P2RY8: variants seen among roughly 807,000 people sequenced by gnomAD.
The protein encoded by P2RY8 is P2Y receptor family member 8.
In P2RY8, 6 loss-of-function variants were observed where a neutral mutation model predicts 10.0. The ratio of observed to expected loss-of-function variants is 0.60; its 90% CI spans 0.33 to 1.19. The LOEUF is 1.19. P2RY8 is among the 50% of genes most tolerant of loss of function. P2RY8 has a pLI of 0.04. For missense variants in P2RY8, 456 were observed against 542.0 expected (o/e 0.84, Z 1.58); for synonymous variants, 276 against 252.5 (o/e 1.09, Z -0.88).
At chrX:1,530,258 TATC>T (rs2092464984) in intron 1 of P2RY8, among the ~76,000 whole-genome samples, 1 of 150,358 alleles carries the variant, frequency 6.7e-6, no homozygotes, top group South Asian at 2.1e-4. Context: ...CTCTATTACC[TATC>T]ATCACCATTA....
chrX:1,514,417 C>CT (rs1279881671), intron 1 of P2RY8, among the ~76,000 whole-genome samples: 2 of 54,036 alleles, frequency 3.7e-5, no homozygotes, highest in Non-Finnish European at 8.1e-5. Flanking sequence ...CCTCCCTTCC[C>CT]TTCCCTTCCT....
chrX:1,533,624 ATAT>A (rs1483825191), intron 1 of P2RY8, among the ~76,000 whole-genome samples: 27 of 120,848 alleles, frequency 2.2e-4, no homozygotes, highest in South Asian at 7.9e-4. Flanking sequence ...ATATATTTAT[ATAT>A]TATTATTTAC....
chrX:1,500,024 A>C, intron 1 of P2RY8, among the ~76,000 whole-genome samples: 1 of 40,856 alleles, frequency 2.4e-5, no homozygotes, highest in Admixed American at 4.5e-4. Context: ...ATGCCCAGCT[A>C]ATTTTTTGTA....
chrX:1,507,432 C>T (rs4076017), intron 1 of P2RY8, among the ~76,000 whole-genome samples: 30,286 of 152,006 alleles, frequency 0.2, 3,197 homozygotes, highest in Middle Eastern at 0.38. Context: ...CCGGGAGACA[C>T]GCCAGGACCC....
rs1171758279 is a variant in P2RY8, at chrX:1,484,724, T to TAAAAAAAAAA, written c.-24-18152_-24-18143dup. Among the ~76,000 whole-genome samples, 15 of 16,776 alleles carry TAAAAAAAAAA rather than the reference T, an allele frequency of 8.9e-4. 2 individuals carry two copies. Among genetic ancestry groups the TAAAAAAAAAA allele is most frequent in the Non-Finnish European group, 1.1e-3 (10 of 8,928 alleles). 11.0% of individuals were successfully genotyped at this position (16,776 alleles called of 152,430 possible). A position where few individuals can be genotyped will look rare whatever the true frequency, so the allele number is the denominator to read the frequency against. ...GCCTGCGTGACAGAGCAAAACCCTGTAAAAAAAAAAAAAAAAAAAAAAAAG... is the reference window on the plus strand; with the variant it reads ...GCCTGCGTGACAGAGCAAAACCCTGTAAAAAAAAAAAAAAAAAAAAAAAAAAAAAAAAAAG... On this transcript the variant is annotated intron_variant, in intron 1 of 1. Transcript: ENST00000381297.
rs770351028 is a variant in P2RY8 at position 1,466,577 on chromosome X, C to G, written c.-19G>C. 5.6e-6 allele frequency: 9 copies of G among 1,593,252 alleles called. No individual in the cohort carries two copies. The highest frequency in any genetic ancestry group is 7.7e-6 in the Non-Finnish European group (9 of 1,173,076). Reference sequence around the variant, plus strand: ...CCTGCATCCTGGAGGGGTCCTCGCCCGGGCTCTGCAAGGGAAGGAGGGAAG... The same window carrying G: ...CCTGCATCCTGGAGGGGTCCTCGCCGGGGCTCTGCAAGGGAAGGAGGGAAG... On this transcript the variant is annotated 5_prime_UTR_variant, in exon 2 of 2. Coordinates refer to ENST00000381297, the MANE Select transcript of P2RY8 (RefSeq NM_178129.5).
At chrX:1,489,378 A>C (rs1319713928) in intron 1 of P2RY8, among the ~76,000 whole-genome samples, 1 of 152,150 alleles carries the variant, frequency 6.6e-6, no homozygotes, top group Non-Finnish European at 1.5e-5. Flanking sequence ...TTCCTCACAA[A>C]TGTGGAGGGA....
chrX:1,530,680 A>G (rs1439966651), intron 1 of P2RY8, among the ~76,000 whole-genome samples: 2 of 150,734 alleles, frequency 1.3e-5, no homozygotes, highest in East Asian at 4.1e-4. Flanking sequence ...TCTATCATCT[A>G]TTTAATCTAT....
At chrX:1,534,511 T>G (rs1293593488) in intron 1 of P2RY8, among the ~76,000 whole-genome samples, 1 of 151,950 alleles carries the variant, frequency 6.6e-6, no homozygotes, top group Non-Finnish European at 1.5e-5. Flanking sequence ...CAGAATCTCC[T>G]AACCCGAGAG....
chrX:1,533,324 A>G (rs2092494147), intron 1 of P2RY8, among the ~76,000 whole-genome samples: 2 of 148,372 alleles, frequency 1.3e-5, no homozygotes, highest in Admixed American at 1.4e-4. Flanking sequence ...CAAATAAAAG[A>G]GATTGCCAAA....
chrX:1,499,582 T>C (rs1209812694), intron 1 of P2RY8, among the ~76,000 whole-genome samples: 3 of 152,104 alleles, frequency 2.0e-5, no homozygotes, highest in Non-Finnish European at 4.4e-5. Flanking sequence ...TCACGTACTA[T>C]GTATTTACTG....
At chrX:1,527,408 A>C (rs1258163745) in intron 1 of P2RY8, among the ~76,000 whole-genome samples, 1 of 151,834 alleles carries the variant, frequency 6.6e-6, no homozygotes, top group Non-Finnish European at 1.5e-5. Flanking sequence ...CCATTCATTC[A>C]CTCATTCATT....
At chrX:1,529,040 T>C (rs1176182721) in intron 1 of P2RY8, among the ~76,000 whole-genome samples, 2 of 152,152 alleles carry the variant, frequency 1.3e-5, no homozygotes, top group African/African-American at 4.8e-5. Context: ...AAATGTCACA[T>C]GTGGAAGCCA....
intron 1 of P2RY8, among the ~76,000 whole-genome samples, chrX:1,477,200 AAG>A (rs1410426985): frequency 2.2e-5 from 3 of 135,252 alleles, no homozygotes; most frequent in Admixed American, 7.4e-5. Context: ...AAAAAAAAAA[AAG>A]AAGAAGAAGA....
chrX:1,509,803 A>ATCTG (rs1569538162), intron 1 of P2RY8, among the ~76,000 whole-genome samples: 4 of 63,240 alleles, frequency 6.3e-5, no homozygotes, highest in Non-Finnish European at 1.7e-4. Context: ...CATCCTATCT[A>ATCTG]TCTATCTATC....
At chrX:1,506,275 G>C (rs1233984368) in intron 1 of P2RY8, among the ~76,000 whole-genome samples, 7 of 152,098 alleles carry the variant, frequency 4.6e-5, no homozygotes, top group African/African-American at 1.7e-4. Context: ...TGACGGGTGT[G>C]AGCCACCATG....
At position 1,466,412 on chromosome X, in the gene P2RY8, G is replaced by T. The variant is rs774140038; in HGVS notation, c.147C>A (p.Cys49Ter). The T allele has an allele frequency of 6.2e-7, 1 of 1,613,358 alleles. No homozygotes were observed. The highest frequency in any genetic ancestry group is 1.7e-5 in the Admixed American group (1 of 60,000). The change falls in exon 2 of 2, where the codon TGC (cysteine) becomes TGA (stop). Residue 49 changes from cysteine (C) to a stop codon, truncating the protein, a stop_gained. Coordinates refer to ENST00000381297, the MANE Select transcript of P2RY8 (RefSeq NM_178129.5). LOFTEE classifies it high-confidence loss of function. ...PGNLFSLWVL[C>*]RRMGPRSPSV... is the part of the protein sequence containing the mutation. ...ACGGGGATCTGGGCCCCATGCGCCG[G>T]CACAGCACCCACAGAGAGAAGAGGT...
chrX:1,501,755 G>A (rs28416043), intron 1 of P2RY8, among the ~76,000 whole-genome samples: 41,578 of 150,936 alleles, frequency 0.28, 6,390 homozygotes, highest in African/African-American at 0.41. Flanking sequence ...CACCACGCCC[G>A]GCTAATTTTT....
chrX:1,530,756 T>G (rs1307219197), intron 1 of P2RY8, among the ~76,000 whole-genome samples: 2 of 150,516 alleles, frequency 1.3e-5, no homozygotes, highest in African/African-American at 4.9e-5. Flanking sequence ...AATCTATGTA[T>G]GTATATATCT....
Sources: gnomAD v4.1 joint callset for allele counts (sites outside exome capture counted in the v4.1 genomes callset) on GRCh38, gnomAD v4.1.1 for gene constraint, MANE v1.5 for transcripts, NCBI Gene and HGNC (gene_info 2026-07-23, HGNC 2026-07-21) for gene names.